The following SEC22A variants were observed in gnomAD, a reference collection of about 807,000 sequenced individuals.
SEC22A encodes the protein vesicle-trafficking protein SEC22a.
A neutral mutation model predicts 35.3 loss-of-function variants in SEC22A; 22 were observed. That is an observed-to-expected ratio of 0.62 (90% CI 0.45 to 0.89). The LOEUF is 0.89. Among genes scored for constraint, SEC22A ranks in the 40% least tolerant of loss-of-function variants. The pLI is 0.00. For missense variants in SEC22A, 354 were observed against 362.5 expected (o/e 0.98, Z 0.19); for synonymous variants, 119 against 129.5 (o/e 0.92, Z 0.55).
At chr3:123,225,631 G>T (rs1376687346) in intron 4 of SEC22A, among the ~76,000 whole-genome samples, 1 of 152,168 alleles carries the variant, frequency 6.6e-6, no homozygotes. Context: ...TATGCAATGT[G>T]TAATAATCAC....
At chr3:123,262,137 G>C (rs1409940580) in intron 6 of SEC22A, among the ~76,000 whole-genome samples, 1 of 152,106 alleles carries the variant, frequency 6.6e-6, no homozygotes, top group African/African-American at 2.4e-5. Context: ...CCAGTTGTCA[G>C]GATATTTTTA....
chr3:123,237,494 C>T (rs1937443532), intron 4 of SEC22A, among the ~76,000 whole-genome samples: 1 of 152,104 alleles, frequency 6.6e-6, no homozygotes, highest in South Asian at 2.1e-4. Flanking sequence ...GAATTGCTAC[C>T]TATACATCTT....
At chr3:123,219,211 G>T (rs548773860) in intron 2 of SEC22A, among the ~76,000 whole-genome samples, 1 of 152,254 alleles carries the variant, frequency 6.6e-6, no homozygotes, top group South Asian at 2.1e-4. Context: ...TCTGAAATAA[G>T]GCCAGTGGGT....
At chr3:123,269,174 A>AAT (rs200023106) in intron 6 of SEC22A, among the ~76,000 whole-genome samples, 1,038 of 83,202 alleles carry the variant, frequency 0.012, 15 homozygotes, top group Middle Eastern at 0.02. Flanking sequence ...CCTTGAATTA[A>AAT]ATATATGTGT....
intron 1 of SEC22A, chr3:123,208,834 G>A (rs1432722589): frequency 2.6e-5 from 5 of 195,282 alleles, no homozygotes; most frequent in South Asian, 1.8e-4. Context: ...TCACTCTGTC[G>A]CCCAGGCTGG....
intron 2 of SEC22A, among the ~76,000 whole-genome samples, chr3:123,216,907 C>A (rs1937036613): frequency 6.6e-6 from 1 of 152,150 alleles, no homozygotes; most frequent in African/African-American, 2.4e-5. Context: ...GCTCATAGCA[C>A]CCTTGAACTC....
intron 5 of SEC22A, among the ~76,000 whole-genome samples, chr3:123,255,299 T>G (rs1937703066): frequency 6.6e-6 from 1 of 152,186 alleles, no homozygotes; most frequent in South Asian, 2.1e-4. Flanking sequence ...TGTTTCTCTC[T>G]TTCTCTTCCT....
chr3:123,237,551 A>C (rs1937444189), intron 4 of SEC22A, among the ~76,000 whole-genome samples: 1 of 152,176 alleles, frequency 6.6e-6, no homozygotes, highest in Non-Finnish European at 1.5e-5. Context: ...CCTTGATGAT[A>C]TTTGGATTGG....
At chr3:123,224,379 T>A (rs1479125550) in intron 3 of SEC22A, among the ~76,000 whole-genome samples, 2 of 147,494 alleles carry the variant, frequency 1.4e-5, no homozygotes, top group African/African-American at 2.5e-5. Context: ...TACATTCTAA[T>A]GGTGTAAGCA....
In SEC22A at chr3:123,229,588, A is replaced by G. The variant is rs28824771; in HGVS notation, c.541+4291A>G. On this transcript the variant is annotated intron_variant, in intron 4 of 6. Coordinates refer to ENST00000492595, the MANE Select transcript of SEC22A (RefSeq NM_012430.5). The stretch of plus-strand genomic sequence containing the variant: ...AATAATAAAGGAAATTCTTGGCTGC[A>G]TGTTGTGGCTTACGCCTGTAATCCC... Among the ~76,000 whole-genome samples, 436 of 152,364 alleles carry G rather than the reference A, an allele frequency of 2.9e-3. 4 individuals carry two copies. Among genetic ancestry groups the G allele is most frequent in the African/African-American group, 9.2e-3 (382 of 41,596 alleles).
At chr3:123,231,859 A>G (rs1210962670) in intron 4 of SEC22A, among the ~76,000 whole-genome samples, 2 of 152,246 alleles carry the variant, frequency 1.3e-5, no homozygotes, top group African/African-American at 4.8e-5. Context: ...AAAACAGTAG[A>G]GAAAAATCAA....
intron 6 of SEC22A, among the ~76,000 whole-genome samples, chr3:123,260,950 C>G (rs1937882122): frequency 6.6e-6 from 1 of 151,814 alleles, no homozygotes; most frequent in Non-Finnish European, 1.5e-5. Context: ...ATTCTCCTGC[C>G]TCAGCCTCCC....
At chr3:123,222,125 A>AT (rs35556808) in intron 2 of SEC22A, among the ~76,000 whole-genome samples, 3 of 147,982 alleles carry the variant, frequency 2.0e-5, no homozygotes, top group South Asian at 2.1e-4. Context: ...GCTTTATAGC[A>AT]TTTTTTTTTT....
intron 2 of SEC22A, among the ~76,000 whole-genome samples, chr3:123,223,314 A>G (rs1173419285): frequency 6.6e-6 from 1 of 152,208 alleles, no homozygotes; most frequent in African/African-American, 2.4e-5. Context: ...GATAACTGAA[A>G]TGTTAGAACC....
chr3:123,209,454 T>C, intron 2 of SEC22A, 55 bp downstream of exon 2: 2 of 1,466,876 alleles, frequency 1.4e-6, no homozygotes, highest in East Asian at 4.6e-5. Context: ...GTCATTTTAA[T>C]GAAGTTTAAG....
chr3:123,204,204 T>G (rs1936808887), intron 1 of SEC22A, among the ~76,000 whole-genome samples: 1 of 152,170 alleles, frequency 6.6e-6, no homozygotes, highest in Non-Finnish European at 1.5e-5. Context: ...TTCATTTAAT[T>G]TAAATTAGGA....
At chr3:123,229,010 T>C (rs189466157) in intron 4 of SEC22A, among the ~76,000 whole-genome samples, 6 of 152,092 alleles carry the variant, frequency 3.9e-5, no homozygotes, top group South Asian at 2.1e-4. Context: ...AAATGGGGCA[T>C]GCTAACATAG....
chr3:123,206,925 T>C (rs1201886124), intron 1 of SEC22A, among the ~76,000 whole-genome samples: 2 of 152,156 alleles, frequency 1.3e-5, no homozygotes, highest in Non-Finnish European at 2.9e-5. Flanking sequence ...TCATCTCTAC[T>C]GAAAATACAA....
At chr3:123,223,976 A>G (rs1297396050) in intron 3 of SEC22A, among the ~76,000 whole-genome samples, 4 of 152,242 alleles carry the variant, frequency 2.6e-5, no homozygotes, top group Non-Finnish European at 4.4e-5. Context: ...TGAGAAATTT[A>G]TAAGCCAGAG....
Sources: gnomAD v4.1 joint callset for allele counts (sites outside exome capture counted in the v4.1 genomes callset) on GRCh38, gnomAD v4.1.1 for gene constraint, MANE v1.5 for transcripts, NCBI Gene and HGNC (gene_info 2026-07-23, HGNC 2026-07-21) for gene names.